Variants in MTMR3 observed in about 807,000 individuals in gnomAD.
The protein encoded by MTMR3 is phosphatidylinositol-3,5-bisphosphate 3-phosphatase MTMR3.
In MTMR3, 32 loss-of-function variants were observed where a neutral mutation model predicts 132.4. That is an observed-to-expected ratio of 0.24 (90% CI 0.18 to 0.32). The LOEUF (loss-of-function observed/expected upper bound fraction) is 0.32. Among genes scored for constraint, MTMR3 ranks in the 10% least tolerant of loss-of-function variants. MTMR3 has a pLI of 1.00. For missense variants in MTMR3, 1,216 were observed against 1,489.6 expected (o/e 0.82, Z 3.02); for synonymous variants, 556 against 550.3 (o/e 1.01, Z -0.14).
At chr22:29,999,037 A>G (rs999082610) in intron 8 of MTMR3, 180 bp downstream of exon 8, 34 of 431,934 alleles carry the variant, frequency 7.9e-5, no homozygotes, top group Non-Finnish European at 1.2e-4. Context: ...CTATCATTGG[A>G]GTGGAAAGTG....
At chr22:30,002,089 T>C (rs9614129) in intron 8 of MTMR3, 20,482 of 152,220 alleles carry the variant, frequency 0.13, 1,557 homozygotes, top group South Asian at 0.25. Context: ...AGAGAGACAT[T>C]GTCCTGTAAG....
intron 3 of MTMR3, among the ~76,000 whole-genome samples, chr22:29,971,835 TAAA>T (rs1569030623): frequency 1.3e-5 from 2 of 152,184 alleles, no homozygotes; most frequent in Admixed American, 6.5e-5. Context: ...CTTCAAGGCT[TAAA>T]AAAGAAATGG....
At chr22:29,979,419 G>C (rs2066695751) in intron 5 of MTMR3, 1 of 215,580 alleles carries the variant, frequency 4.6e-6, no homozygotes, top group East Asian at 1.4e-4. Flanking sequence ...ATGAACCCGG[G>C]AGGTGGAGCT....
At chr22:29,895,207 C>CA (rs150650028) in intron 1 of MTMR3, among the ~76,000 whole-genome samples, 11 of 147,560 alleles carry the variant, frequency 7.5e-5, no homozygotes, top group African/African-American at 1.5e-4. Context: ...GACTCCATCT[C>CA]AAAAAAAAAA....
intron 1 of MTMR3, among the ~76,000 whole-genome samples, chr22:29,897,326 T>C (rs1173993804): frequency 6.6e-6 from 1 of 152,114 alleles, no homozygotes; most frequent in African/African-American, 2.4e-5. Flanking sequence ...TGGCCTGCCT[T>C]GGCCTCCCAA....
intron 1 of MTMR3, among the ~76,000 whole-genome samples, chr22:29,956,806 A>G (rs900504502): frequency 1.3e-5 from 2 of 152,148 alleles, no homozygotes; most frequent in African/African-American, 4.8e-5. Flanking sequence ...TCTGTTCTCT[A>G]CAGTTCTGCA....
intron 1 of MTMR3, among the ~76,000 whole-genome samples, chr22:29,919,448 A>G (rs1207855469): frequency 5.3e-5 from 8 of 152,234 alleles, no homozygotes; most frequent in Admixed American, 3.9e-4. Flanking sequence ...TACTGTCGTA[A>G]AACAGTGATA....
chr22:29,988,569 G>GGT lies in MTMR3; in HGVS notation c.293+8_293+9dup. On this transcript the variant is annotated splice_region_variant and intron_variant, in intron 6 of 19. Transcript: ENST00000401950. ...AAGACTGCAAAGTTATCAGGTATGT[G>GGT]GTATGGTATGTTTGTGTTGCTGTTT... 1 of 1,597,294 alleles carries GGT rather than the reference G, an allele frequency of 6.3e-7. No individual in the cohort carries two copies. The highest frequency in any genetic ancestry group is 8.6e-7 in the Non-Finnish European group (1 of 1,168,724).
rs139601986 is a variant in MTMR3 at position 29,948,741 on chromosome 22, C to T, written c.-137-8295C>T. The stretch of plus-strand genomic sequence containing the variant: ...ATTAGAATAAGCAGTGTAAATTTTG[C>T]ACCTTTCAAAAAGATACTGATGTTT... On this transcript the variant is annotated intron_variant, in intron 1 of 19. Coordinates refer to ENST00000401950, the MANE Select transcript of MTMR3 (RefSeq NM_021090.4). 4.5e-3 allele frequency among the ~76,000 whole-genome samples: 678 copies of T among 151,306 alleles called. 6 individuals carry two copies. The highest frequency in any genetic ancestry group is 0.016 in the African/African-American group (640 of 41,186).
At chr22:29,939,917 T>C (rs535377976) in intron 1 of MTMR3, among the ~76,000 whole-genome samples, 95 of 152,288 alleles carry the variant, frequency 6.2e-4, no homozygotes, top group Non-Finnish European at 1.2e-3. Context: ...CCACCCTAAC[T>C]GATCAATTGA....
rs186433823 is a variant in MTMR3, at chr22:29,894,041, C to T, written c.-138+10682C>T. Reference sequence around the variant, plus strand: ...TTTGTATTTTTTAGAGATGGGATTTCGCCATGTTGGCCAGGCTGGTCTTGA... The same window carrying T: ...TTTGTATTTTTTAGAGATGGGATTTTGCCATGTTGGCCAGGCTGGTCTTGA... On this transcript the variant is annotated intron_variant, in intron 1 of 19. Transcript: ENST00000401950. Among the ~76,000 whole-genome samples, 123 of 152,168 alleles carry T rather than the reference C, an allele frequency of 8.1e-4. 1 individual carries two copies. The South Asian group carries it at 0.023, about 29-fold the overall frequency.
At chr22:29,896,568 A>G (rs1348249244) in intron 1 of MTMR3, among the ~76,000 whole-genome samples, 1 of 152,060 alleles carries the variant, frequency 6.6e-6, no homozygotes, top group Non-Finnish European at 1.5e-5. Context: ...TGTGTAGTTG[A>G]TGTTGTGAGT....
intron 2 of MTMR3, among the ~76,000 whole-genome samples, chr22:29,964,808 A>G (rs1454105910): frequency 1.3e-5 from 2 of 152,192 alleles, no homozygotes; most frequent in African/African-American, 2.4e-5. Flanking sequence ...TCTGCTATTT[A>G]AAACCTGTCA....
intron 3 of MTMR3, among the ~76,000 whole-genome samples, chr22:29,975,266 A>C (rs2066608426): frequency 6.6e-6 from 1 of 152,240 alleles, no homozygotes; most frequent in African/African-American, 2.4e-5. Context: ...GAAATCTTTA[A>C]AATGCTCATA....
chr22:29,902,429 A>G (rs999715526), intron 1 of MTMR3, among the ~76,000 whole-genome samples: 2 of 136,522 alleles, frequency 1.5e-5, no homozygotes, highest in Non-Finnish European at 3.0e-5. Flanking sequence ...TTTTTTTGAG[A>G]CGGAGTCTCG....
chr22:29,982,592 A>T (rs1441871875), intron 5 of MTMR3: 1 of 152,236 alleles, frequency 6.6e-6, no homozygotes, highest in Non-Finnish European at 1.5e-5. Context: ...GTATGCTTAA[A>T]TCAAAATACT....
intron 3 of MTMR3, among the ~76,000 whole-genome samples, chr22:29,972,142 A>G (rs966114034): frequency 5.3e-5 from 8 of 152,196 alleles, no homozygotes; most frequent in African/African-American, 9.7e-5. Context: ...ACATTGATGA[A>G]CTTTTCCTGT....
intron 3 of MTMR3, among the ~76,000 whole-genome samples, chr22:29,977,284 C>A (rs2066647703): frequency 6.6e-6 from 1 of 151,932 alleles, no homozygotes; most frequent in African/African-American, 2.4e-5. Context: ...AGAGCAAAAC[C>A]CTGACTTAAA....
intron 19 of MTMR3, 36 bp from the exon 20 acceptor site, chr22:30,025,594 C>G: frequency 6.2e-7 from 1 of 1,611,440 alleles, no homozygotes; most frequent in South Asian, 1.1e-5. Flanking sequence ...ACCTGCTGGC[C>G]AAAACTAACA....
Sources: gnomAD v4.1 joint callset for allele counts (sites outside exome capture counted in the v4.1 genomes callset) on GRCh38, gnomAD v4.1.1 for gene constraint, MANE v1.5 for transcripts, NCBI Gene and HGNC (gene_info 2026-07-23, HGNC 2026-07-21) for gene names.